Variants in SCN8A observed in about 807,000 individuals in gnomAD.
SCN8A encodes the protein sodium voltage-gated channel alpha subunit 8.
SCN8A carries 30 observed loss-of-function variants against 184.1 expected under a neutral mutation model. The ratio of observed to expected loss-of-function variants is 0.16; its 90% CI spans 0.12 to 0.22. SCN8A has a LOEUF of 0.22. Among genes scored for constraint, SCN8A ranks in the 10% least tolerant of loss-of-function variants. The pLI, the probability that SCN8A is intolerant of heterozygous loss-of-function variation, is 1.00. For missense variants in SCN8A, 1,057 were observed against 2,498.9 expected (o/e 0.42, Z 12.30); for synonymous variants, 852 against 907.0 (o/e 0.94, Z 1.09).
chr12:51,624,297 C>G (rs373908099), intron 1 of SCN8A, among the ~76,000 whole-genome samples: 1 of 152,140 alleles, frequency 6.6e-6, no homozygotes, highest in Non-Finnish European at 1.5e-5. Context: ...TTTTAATGAT[C>G]GCCATTCTAA....
chr12:51,624,950 G>T (rs1172496211), intron 1 of SCN8A, among the ~76,000 whole-genome samples: 1 of 151,538 alleles, frequency 6.6e-6, no homozygotes, highest in African/African-American at 2.4e-5. Flanking sequence ...ACCCCCTTCA[G>T]TGAGTTTATG....
chr12:51,667,501 C>T (rs1229024028), intron 2 of SCN8A, among the ~76,000 whole-genome samples: 9 of 151,866 alleles, frequency 5.9e-5, no homozygotes, highest in Non-Finnish European at 2.9e-5. Context: ...CATACGCATG[C>T]GCCACCACAT....
intron 17 of SCN8A, 101 bp from the exon 18 acceptor site, chr12:51,769,767 G>A: frequency 1.3e-6 from 1 of 776,238 alleles, no homozygotes; most frequent in Non-Finnish European, 2.2e-6. Context: ...CTAGAGAGGA[G>A]TCAGAGCTGG....
intron 1 of SCN8A, among the ~76,000 whole-genome samples, chr12:51,614,356 T>C (rs1376458449): frequency 1.3e-5 from 2 of 152,144 alleles, no homozygotes; most frequent in African/African-American, 4.8e-5. Context: ...CTGGTAATTT[T>C]CCTTGCTTTG....
chr12:51,777,251 AT>A (rs146256914), intron 20 of SCN8A, among the ~76,000 whole-genome samples: 6 of 148,916 alleles, frequency 4.0e-5, no homozygotes, highest in Admixed American at 2.7e-4. Flanking sequence ...CCCTGAATTT[AT>A]TTTTTTTTTC....
At chr12:51,776,501 A>G (rs564530697) in intron 20 of SCN8A, among the ~76,000 whole-genome samples, 1 of 152,248 alleles carries the variant, frequency 6.6e-6, no homozygotes, top group African/African-American at 2.4e-5. Flanking sequence ...TCCAGAAGCA[A>G]TAAGGAGAAA....
chr12:51,765,469 G>T (rs1942823845), intron 15 of SCN8A, among the ~76,000 whole-genome samples: 1 of 152,124 alleles, frequency 6.6e-6, no homozygotes, highest in Non-Finnish European at 1.5e-5. Flanking sequence ...CAGCTACTCT[G>T]AAATTAATCA....
At chr12:51,644,848 A>G (rs560057918) in intron 1 of SCN8A, among the ~76,000 whole-genome samples, 2,789 of 147,880 alleles carry the variant, frequency 0.019, 82 homozygotes, top group African/African-American at 0.066. Flanking sequence ...CTGCCCGGCC[A>G]CCCCGTCTGA....
intron 11 of SCN8A, among the ~76,000 whole-genome samples, chr12:51,709,093 A>G (rs1565895157): frequency 6.6e-6 from 1 of 152,240 alleles, no homozygotes; most frequent in Non-Finnish European, 1.5e-5. Context: ...CTGAAGCTTA[A>G]AGGATAGACA....
At chr12:51,780,211 A>C (rs1189646629) in intron 20 of SCN8A, 1 of 456,102 alleles carries the variant, frequency 2.2e-6, no homozygotes, top group Non-Finnish European at 4.4e-6. Flanking sequence ...GGTACCATTA[A>C]ATTTGTCTGG....
intron 11 of SCN8A, 85 bp downstream of exon 11, chr12:51,706,800 AC>A (rs1941793783): frequency 2.0e-6 from 2 of 1,001,940 alleles, no homozygotes; most frequent in African/African-American, 3.3e-5. Flanking sequence ...TACCATCTTT[AC>A]CATTTTAAGT....
intron 1 of SCN8A, among the ~76,000 whole-genome samples, chr12:51,608,128 C>G (rs931727350): frequency 1.3e-5 from 2 of 150,754 alleles, no homozygotes; most frequent in Admixed American, 6.6e-5. Context: ...TCACACCATT[C>G]TCCTGCCTCA....
intron 21 of SCN8A, among the ~76,000 whole-genome samples, chr12:51,785,166 A>T (rs1938050611): frequency 6.6e-6 from 1 of 152,224 alleles, no homozygotes; most frequent in Non-Finnish European, 1.5e-5. Flanking sequence ...TAGAATGAGG[A>T]GGTAAATTCA....
At chr12:51,746,764 A>G (rs1000570606) in intron 13 of SCN8A, among the ~76,000 whole-genome samples, 1 of 152,178 alleles carries the variant, frequency 6.6e-6, no homozygotes, top group East Asian at 1.9e-4. Flanking sequence ...CAGTCCCCCT[A>G]GCAAGAATCA....
chr12:51,658,612 A>T (rs988211695), intron 1 of SCN8A, among the ~76,000 whole-genome samples: 1 of 152,184 alleles, frequency 6.6e-6, no homozygotes, highest in Admixed American at 6.5e-5. Context: ...TCTAGAATAG[A>T]TAAATCAGTA....
intron 1 of SCN8A, among the ~76,000 whole-genome samples, chr12:51,637,468 C>T (rs117136070): frequency 0.039 from 5,938 of 152,294 alleles, 159 homozygotes; most frequent in Non-Finnish European, 0.06. Context: ...AAAAGTGCTA[C>T]TCTAGTGAAC....
chr12:51,639,499 C>T (rs575157260), intron 1 of SCN8A, among the ~76,000 whole-genome samples: 5 of 152,068 alleles, frequency 3.3e-5, no homozygotes, highest in Non-Finnish European at 5.9e-5. Flanking sequence ...ACTGTAGCCT[C>T]GAACTCCCTG....
chr12:51,680,875 G>C (rs967214749), intron 2 of SCN8A, among the ~76,000 whole-genome samples: 1 of 152,028 alleles, frequency 6.6e-6, no homozygotes, highest in African/African-American at 2.4e-5. Context: ...GTGGTGGCAG[G>C]TGCCTGTAAT....
intron 16 of SCN8A, among the ~76,000 whole-genome samples, chr12:51,767,875 CTG>C (rs1368905307): frequency 5.3e-5 from 8 of 152,204 alleles, no homozygotes; most frequent in African/African-American, 7.2e-5. Flanking sequence ...CTGTCATCAT[CTG>C]TGACTCCTTT....
Sources: gnomAD v4.1 joint callset for allele counts (sites outside exome capture counted in the v4.1 genomes callset) on GRCh38, gnomAD v4.1.1 for gene constraint, MANE v1.5 for transcripts, NCBI Gene and HGNC (gene_info 2026-07-23, HGNC 2026-07-21) for gene names.